GPATCH2L: variants seen among roughly 807,000 people sequenced by gnomAD.
GPATCH2L encodes the protein G-patch domain containing 2 like.
A neutral mutation model predicts 57.4 loss-of-function variants in GPATCH2L; 31 were observed. The observed-to-expected ratio is 0.54, with a 90% confidence interval of 0.41 to 0.73. The LOEUF is 0.73. Among genes scored for constraint, GPATCH2L ranks in the 30% least tolerant of loss-of-function variants. The pLI, the probability that GPATCH2L is intolerant of heterozygous loss-of-function variation, is 0.00. For synonymous variants in GPATCH2L, 199 were observed against 210.7 expected (o/e 0.94, Z 0.48); for missense variants, 481 against 599.9 (o/e 0.80, Z 2.07).
chr14:76,183,824 G>A (rs1159030564), intron 8 of GPATCH2L, among the ~76,000 whole-genome samples: 1 of 152,218 alleles, frequency 6.6e-6, no homozygotes, highest in Non-Finnish European at 1.5e-5. Flanking sequence ...TTTGCAAAGA[G>A]TGGATCATTT....
intron 1 of GPATCH2L, among the ~76,000 whole-genome samples, chr14:76,221,663 TATC>T (rs2139863991): frequency 6.6e-6 from 1 of 152,308 alleles, no homozygotes; most frequent in Non-Finnish European, 1.5e-5. Context: ...AGAAATGATC[TATC>T]CAGCCATGAA....
chr14:76,194,484 AGTGTGTGT>A (rs59406744), intron 8 of GPATCH2L, among the ~76,000 whole-genome samples: 1 of 151,060 alleles, frequency 6.6e-6, no homozygotes, highest in Admixed American at 6.6e-5. Flanking sequence ...GAGACATGAA[AGTGTGTGT>A]GTGTGTGTGT....
intron 2 of GPATCH2L, among the ~76,000 whole-genome samples, chr14:76,156,965 G>A (rs2038337764): frequency 6.6e-6 from 1 of 152,162 alleles, no homozygotes; most frequent in South Asian, 2.1e-4. Context: ...AACTTAAGTG[G>A]ATGGGAATTC....
chr14:76,228,714 T>C (rs2040547191), intron 1 of GPATCH2L, among the ~76,000 whole-genome samples: 1 of 152,198 alleles, frequency 6.6e-6, no homozygotes, highest in Non-Finnish European at 1.5e-5. Flanking sequence ...GTCTCCTCCC[T>C]CTGTGTCCTT....
intron 8 of GPATCH2L, among the ~76,000 whole-genome samples, chr14:76,190,360 A>T (rs1396880240): frequency 1.3e-5 from 2 of 151,956 alleles, no homozygotes; most frequent in South Asian, 2.1e-4. Flanking sequence ...AATTTTTTTT[A>T]AATTCTTATT....
At chr14:76,188,401 A>C (rs1211670712) in intron 8 of GPATCH2L, among the ~76,000 whole-genome samples, 4 of 152,040 alleles carry the variant, frequency 2.6e-5, no homozygotes, top group Admixed American at 2.6e-4. Context: ...TTTGGATGTA[A>C]GCCATTTTAA....
At chr14:76,177,596 A>G (rs1030822043) in intron 6 of GPATCH2L, among the ~76,000 whole-genome samples, 1 of 151,882 alleles carries the variant, frequency 6.6e-6, no homozygotes, top group African/African-American at 2.4e-5. Flanking sequence ...GACTCTTGTC[A>G]CTGCACAGCT....
At chr14:76,189,608 T>TA (rs1173481262) in intron 8 of GPATCH2L, among the ~76,000 whole-genome samples, 1 of 152,120 alleles carries the variant, frequency 6.6e-6, no homozygotes. Flanking sequence ...GTGGTAGTCT[T>TA]TAGGTTTTTC....
chr14:76,177,747 T>G, intron 6 of GPATCH2L: 1 of 566,692 alleles, frequency 1.8e-6, no homozygotes, highest in Non-Finnish European at 3.1e-6. Flanking sequence ...TTTAATCTCT[T>G]TCTCCTCCTC....
intron 2 of GPATCH2L, among the ~76,000 whole-genome samples, chr14:76,234,039 G>T (rs2040587084): frequency 6.6e-6 from 1 of 152,204 alleles, no homozygotes; most frequent in South Asian, 2.1e-4. Flanking sequence ...GAGCCCAGGA[G>T]TTTGAGCCTG....
intron 2 of GPATCH2L, among the ~76,000 whole-genome samples, chr14:76,159,959 C>T (rs1278206276): frequency 2.0e-5 from 3 of 151,960 alleles, no homozygotes; most frequent in South Asian, 2.1e-4. Flanking sequence ...GGTGAAACCC[C>T]GACTCTACTA....
At chr14:76,194,229 A>G (rs2040074291) in intron 8 of GPATCH2L, among the ~76,000 whole-genome samples, 1 of 152,184 alleles carries the variant, frequency 6.6e-6, no homozygotes, top group Non-Finnish European at 1.5e-5. Flanking sequence ...ATAATTAGCT[A>G]TTTAGAATTA....
Position 76,212,694 on chromosome 14 carries a change from T to C in GPATCH2L, c.*10843T>C, listed in dbSNP as rs1021897501. The C allele has an allele frequency of 6.6e-6, 1 of 152,098 alleles. No individual in the cohort carries two copies. Among genetic ancestry groups the C allele is most frequent in the African/African-American group, 2.4e-5 (1 of 41,428 alleles). The allele number at this position is 152,098 out of a possible 1,614,324, so 9.4% of individuals were successfully genotyped here. A position where few individuals can be genotyped will look rare whatever the true frequency, so the allele number is the denominator to read the frequency against. On this transcript the variant is annotated 3_prime_UTR_variant, in exon 10 of 10. Transcript: ENST00000261530. The stretch of plus-strand genomic sequence containing the variant: ...TAAAAGTGGTAACTACACTTCAAAG[T>C]ATCCATGAAACATTTCCCCATTTGA...
downstream of GPATCH2L, among the ~76,000 whole-genome samples, chr14:76,217,307 A>C (rs1020537494): frequency 5.9e-5 from 9 of 152,154 alleles, no homozygotes; most frequent in African/African-American, 1.9e-4. Flanking sequence ...AATATTTGCT[A>C]TCCAAACTTT....
intron 7 of GPATCH2L, 146 bp downstream of exon 7, chr14:76,178,188 G>A: frequency 3.6e-6 from 5 of 1,388,540 alleles, no homozygotes; most frequent in Non-Finnish European, 5.0e-6. Context: ...TATTTCATAG[G>A]AATCCTGTTT....
Position 76,201,911 on chromosome 14 carries a change from T to G in GPATCH2L, c.*60T>G. The G allele has an allele frequency of 6.9e-7, 1 of 1,455,588 alleles. No individual in the cohort carries two copies. Among genetic ancestry groups the G allele is most frequent in the Non-Finnish European group, 9.5e-7 (1 of 1,054,032 alleles). The allele number at this position is 1,455,588 out of a possible 1,614,324, so 90.2% of individuals were successfully genotyped here. A position where few individuals can be genotyped will look rare whatever the true frequency, so the allele number is the denominator to read the frequency against. On this transcript the variant is annotated 3_prime_UTR_variant, in exon 10 of 10. Transcript: ENST00000261530. Reference sequence around the variant, plus strand: ...TGTTGCTGAAGCAAATGTTGGACTTTGTGTTAGATAGTCTTGCATATCTTA... The same window carrying G: ...TGTTGCTGAAGCAAATGTTGGACTTGGTGTTAGATAGTCTTGCATATCTTA...
Position 76,209,766 on chromosome 14 carries a change from T to C in GPATCH2L, c.*7915T>C, listed in dbSNP as rs2040419635. On this transcript the variant is annotated 3_prime_UTR_variant, in exon 10 of 10. Transcript: ENST00000261530. The stretch of plus-strand genomic sequence containing the variant: ...CTATGAATACAGTGAAACTTGGGGT[T>C]CCACTTTCATCAGATGTGACCCTGT... 1 of 152,244 alleles carries C rather than the reference T, an allele frequency of 6.6e-6. No individual in the cohort carries two copies. Among genetic ancestry groups the C allele is most frequent in the Admixed American group, 6.5e-5 (1 of 15,284 alleles). 9.4% of individuals were successfully genotyped at this position (152,244 alleles called of 1,614,324 possible). A position where few individuals can be genotyped will look rare whatever the true frequency, so the allele number is the denominator to read the frequency against.
chr14:76,219,815 C>T (rs915636165), intron 1 of GPATCH2L, among the ~76,000 whole-genome samples: 68 of 152,220 alleles, frequency 4.5e-4, no homozygotes, highest in African/African-American at 1.6e-3. Flanking sequence ...TGGGAGCTGG[C>T]AAGTGCTGAT....
chr14:76,160,988 T>A lies in GPATCH2L; in HGVS notation c.663-5675T>A, dbSNP rs187299910. Among the ~76,000 whole-genome samples the A allele has an allele frequency of 8.5e-5, 13 of 152,344 alleles. No individual in the cohort carries two copies. In the East Asian group the frequency reaches 2.5e-3, roughly 29 times the overall value. The stretch of plus-strand genomic sequence containing the variant: ...CGGAGGTTGCTGCCTTTCATGGCAC[T>A]GTCTGAATGAAACTGAAAAAGAAAT... On this transcript the variant is annotated intron_variant, in intron 2 of 9. Coordinates refer to ENST00000261530, the MANE Select transcript of GPATCH2L (RefSeq NM_017926.4).
Sources: allele counts gnomAD v4.1 joint callset (sites outside exome capture counted in the v4.1 genomes callset), GRCh38; gene constraint gnomAD v4.1.1; transcripts MANE v1.5; gene names NCBI Gene and HGNC (gene_info 2026-07-23, HGNC 2026-07-21).